EML4: variants seen among roughly 807,000 people sequenced by gnomAD.
EML4 encodes the protein EMAP like 4, also known as echinoderm microtubule-associated protein-like 4.
EML4 carries 72 observed loss-of-function variants against 129.0 expected under a neutral mutation model. The observed-to-expected ratio is 0.56, with a 90% confidence interval of 0.46 to 0.68. The LOEUF is 0.68. Among genes scored for constraint, EML4 ranks in the 30% least tolerant of loss-of-function variants. The probability of loss-of-function intolerance (pLI) is 0.00; values close to 1 mark genes in which losing one functional copy is unlikely to be tolerated. For synonymous variants in EML4, 532 were observed against 405.0 expected (o/e 1.31, Z -3.77); for missense variants, 1,363 against 1,190.6 (o/e 1.14, Z -2.13).
chr2:42,296,018 A>G (rs1170053782), intron 13 of EML4, among the ~76,000 whole-genome samples: 1 of 152,234 alleles, frequency 6.6e-6, no homozygotes, highest in Admixed American at 6.5e-5. Context: ...TAAAAAACAC[A>G]GATTTATTCT....
intron 1 of EML4, among the ~76,000 whole-genome samples, chr2:42,179,634 G>C (rs1044280039): frequency 1.3e-5 from 2 of 152,104 alleles, no homozygotes; most frequent in Non-Finnish European, 2.9e-5. Context: ...ATGGGGTCTC[G>C]CTCTGTCGCC....
chr2:42,200,393 C>G (rs191973014), intron 1 of EML4, among the ~76,000 whole-genome samples: 22 of 152,250 alleles, frequency 1.4e-4, no homozygotes, highest in African/African-American at 5.1e-4. Context: ...AAATTATGGC[C>G]TTTGCTCCAC....
chr2:42,223,695 C>T (rs1673767744), intron 1 of EML4, among the ~76,000 whole-genome samples: 1 of 152,128 alleles, frequency 6.6e-6, no homozygotes, highest in Non-Finnish European at 1.5e-5. Flanking sequence ...CATGAAAACA[C>T]ATCTAGATAC....
intron 17 of EML4, among the ~76,000 whole-genome samples, chr2:42,312,544 A>G (rs992670722): frequency 1.4e-5 from 2 of 144,120 alleles, no homozygotes; most frequent in Non-Finnish European, 3.0e-5. Flanking sequence ...ATAATAACCA[A>G]TTGCCAATCA....
intron 1 of EML4, among the ~76,000 whole-genome samples, chr2:42,222,034 A>G (rs546693514): frequency 2.0e-5 from 3 of 152,178 alleles, no homozygotes; most frequent in Non-Finnish European, 2.9e-5. Context: ...CACCTGGCCT[A>G]AAGTTGTCTT....
intron 8 of EML4, among the ~76,000 whole-genome samples, chr2:42,283,717 A>G (rs1218779940): frequency 6.6e-6 from 1 of 152,184 alleles, no homozygotes; most frequent in Non-Finnish European, 1.5e-5. Flanking sequence ...TGCCTTTTAC[A>G]CTTGCAGAAT....
chr2:42,175,751 A>T (rs1670564655), intron 1 of EML4, among the ~76,000 whole-genome samples: 1 of 152,040 alleles, frequency 6.6e-6, no homozygotes, highest in African/African-American at 2.4e-5. Flanking sequence ...CATCCACCTC[A>T]GCCTCCCAAA....
At chr2:42,279,461 CT>C (rs752973076) in intron 6 of EML4, among the ~76,000 whole-genome samples, 327 of 142,250 alleles carry the variant, frequency 2.3e-3, no homozygotes, top group Admixed American at 3.2e-3. Context: ...CACTTGCCGT[CT>C]TTTTTTTTTT....
intron 1 of EML4, among the ~76,000 whole-genome samples, chr2:42,177,743 G>C (rs558224458): frequency 2.0e-5 from 3 of 152,170 alleles, no homozygotes; most frequent in Admixed American, 6.5e-5. Context: ...AGATTCTAGG[G>C]TATTTTCAAG....
chr2:42,188,733 C>T (rs1260895278), intron 1 of EML4, among the ~76,000 whole-genome samples: 1 of 152,056 alleles, frequency 6.6e-6, no homozygotes, highest in South Asian at 2.1e-4. Context: ...ACCATGTTGG[C>T]CAGGTTGGTC....
At position 42,280,857 on chromosome 2, in the gene EML4, A is replaced by G. The variant is rs975478666; in HGVS notation, c.675A>G (p.Glu225=). Residue 225 remains glutamate, a synonymous_variant, in exon 7 of 23, where the codon GAA becomes GAG. Transcript: ENST00000318522. The stretch of plus-strand genomic sequence containing the variant: ...TGTCTTGTGTTTCAACAGAAGGAGA[A>G]TATATTAAAATGTTTATGCGCGGTC... ...HKDVIINQEG[E]YIKMFMRGRP... 18 of 1,606,902 alleles carry G rather than the reference A, an allele frequency of 1.1e-5. No homozygotes were observed. The highest frequency in any genetic ancestry group is 1.5e-5 in the Non-Finnish European group (18 of 1,177,452).
rs145531259 is a variant in EML4, at chr2:42,330,076, G to A, written c.2815G>A (p.Glu939Lys). ...TGTGGAGCCAAGTGAAGACCACAGC[G>A]AGGAGGAGAGTGAAGAGGGCAGCGG... ...QTVEPSEDHS[E>K]EESEEGSGDL... is the part of the protein sequence containing the mutation. The change falls in exon 23 of 23, where the codon GAG (glutamate) becomes AAG (lysine). Residue 939 changes from glutamate to lysine, a missense_variant. Physicochemically the swap from Glu to Lys is moderately conservative, Grantham distance 56. Coordinates refer to ENST00000318522, the MANE Select transcript of EML4 (RefSeq NM_019063.5). 3.0e-5 allele frequency: 49 copies of A among 1,612,972 alleles called. No homozygotes were observed. Among genetic ancestry groups the A allele is most frequent in the East Asian group, 8.9e-5 (4 of 44,852 alleles).
chr2:42,324,602 G>T (rs1669689690), intron 19 of EML4, among the ~76,000 whole-genome samples: 1 of 152,196 alleles, frequency 6.6e-6, no homozygotes, highest in African/African-American at 2.4e-5. Flanking sequence ...CTTGGCAACA[G>T]AGTGAGACCC....
At chr2:42,200,153 C>CA (rs11421705) in intron 1 of EML4, among the ~76,000 whole-genome samples, 23,615 of 84,426 alleles carry the variant, frequency 0.28, 2,522 homozygotes, top group East Asian at 0.57. Context: ...ACTAAAAATA[C>CA]AAAAAAAAAA....
In EML4 at chr2:42,169,592, C is replaced by A; in HGVS notation, c.-20C>A. 6.3e-7 allele frequency: 1 copy of A among 1,599,604 alleles called. No homozygotes were observed. Among genetic ancestry groups the A allele is most frequent in the Non-Finnish European group, 8.5e-7 (1 of 1,174,876 alleles). ...AGTGCCCGCCCCTCTAAGCCCGGAG[C>A]CCGGCGCTTTCCCCGCAAGATGGAC... On this transcript the variant is annotated 5_prime_UTR_variant, in exon 1 of 23. Coordinates refer to ENST00000318522, the MANE Select transcript of EML4 (RefSeq NM_019063.5).
chr2:42,244,849 T>C (rs1469759794), intron 1 of EML4, among the ~76,000 whole-genome samples: 1 of 152,118 alleles, frequency 6.6e-6, no homozygotes, highest in Non-Finnish European at 1.5e-5. Flanking sequence ...AATAGTTTGC[T>C]GTCTTGGAAG....
chr2:42,194,348 T>TTA (rs1671777606), intron 1 of EML4, among the ~76,000 whole-genome samples: 1 of 61,716 alleles, frequency 1.6e-5, no homozygotes, highest in African/African-American at 6.1e-5. Flanking sequence ...TCTCTCTCTC[T>TTA]TTTTTTTTTT....
chr2:42,257,571 C>G (rs1676237754), intron 3 of EML4, among the ~76,000 whole-genome samples: 2 of 152,198 alleles, frequency 1.3e-5, no homozygotes, highest in African/African-American at 4.8e-5. Flanking sequence ...CACGGTGGCT[C>G]ATGCCTGTAA....
chr2:42,230,643 C>T (rs970241694), intron 1 of EML4, among the ~76,000 whole-genome samples: 2 of 152,034 alleles, frequency 1.3e-5, no homozygotes, highest in Non-Finnish European at 1.5e-5. Flanking sequence ...TGACCTCAGG[C>T]GATCCCTCCA....
Sources: allele counts gnomAD v4.1 joint callset (sites outside exome capture counted in the v4.1 genomes callset), GRCh38; gene constraint gnomAD v4.1.1; transcripts MANE v1.5; gene names NCBI Gene and HGNC (gene_info 2026-07-23, HGNC 2026-07-21).